EVI5L: variants seen among roughly 807,000 people sequenced by gnomAD.
EVI5L encodes EVI5-like protein.
A neutral mutation model predicts 106.1 loss-of-function variants in EVI5L; 30 were observed. That is an observed-to-expected ratio of 0.28 (90% CI 0.21 to 0.38). EVI5L has a LOEUF of 0.38. EVI5L is among the 10% of genes least tolerant of loss of function. The pLI, the probability that EVI5L is intolerant of heterozygous loss-of-function variation, is 1.00. For missense variants in EVI5L, 809 were observed against 1,098.0 expected (o/e 0.74, Z 3.72); for synonymous variants, 489 against 483.3 (o/e 1.01, Z -0.15).
In EVI5L at chr19:7,857,130, GTA is replaced by G; in HGVS notation, c.1233+7_1233+8del. 13 of 1,551,732 alleles carry G rather than the reference GTA, an allele frequency of 8.4e-6. No individual in the cohort carries two copies. Among genetic ancestry groups the G allele is most frequent in the Non-Finnish European group, 1.0e-5 (12 of 1,147,002 alleles). On this transcript the variant is annotated splice_region_variant and intron_variant, in intron 12 of 19. Transcript: ENST00000538904. The surrounding 1 kb of genome is among the most constrained non-coding windows in gnomAD (Gnocchi z 4.5). ...TGGCTGATAGGTTAATCCAGGTACTGTAGCTTTTTATCCCCTCTCCGGATTCC... is the reference window on the plus strand; with the variant it reads ...TGGCTGATAGGTTAATCCAGGTACTGGCTTTTTATCCCCTCTCCGGATTCC...
rs538931810 is a variant in EVI5L at position 7,849,546 on chromosome 19, G to A, written c.627+216G>A. On this transcript the variant is annotated intron_variant, in intron 5 of 19. Coordinates refer to ENST00000538904, the MANE Select transcript of EVI5L (RefSeq NM_001159944.3). The stretch of plus-strand genomic sequence containing the variant: ...GGGTCCTGTCTGCTGTACCATCCAG[G>A]ACAGAGACCGGGTTTGGAGGGATAG... 1.1e-3 allele frequency among the ~76,000 whole-genome samples: 175 copies of A among 152,356 alleles called. 1 individual carries two copies. The highest frequency in any genetic ancestry group is 6.2e-3 in the Admixed American group (95 of 15,304).
rs1423501242 is a variant in EVI5L, at chr19:7,851,421, C to T, written c.754-13C>T. 1 of 1,607,340 alleles carries T rather than the reference C, an allele frequency of 6.2e-7. No homozygotes were observed. The highest frequency in any genetic ancestry group is 1.1e-5 in the South Asian group (1 of 89,792). The stretch of plus-strand genomic sequence containing the variant: ...CCCCCTCACTGTGCCCACCCGGCCT[C>T]CCACCCCTGCAGGAGCAGCTCCCAG... On this transcript the variant is annotated splice_polypyrimidine_tract_variant and intron_variant, in intron 6 of 19. Coordinates refer to ENST00000538904, the MANE Select transcript of EVI5L (RefSeq NM_001159944.3).
rs757641818 is a variant in EVI5L, at chr19:7,848,878, G to A, written c.328-43G>A. On this transcript the variant is annotated intron_variant, in intron 3 of 19. Coordinates refer to ENST00000538904, the MANE Select transcript of EVI5L (RefSeq NM_001159944.3). This position sits in a 1 kb window ranked among gnomAD's most constrained non-coding sequence, Gnocchi z 4.8. Reference sequence around the variant, plus strand: ...GGCTGGGTGGCCACGGGGAGGCTGCGCTGGGACCGAGTCCAGCCCCCGCTT... The same window carrying A: ...GGCTGGGTGGCCACGGGGAGGCTGCACTGGGACCGAGTCCAGCCCCCGCTT... The A allele has an allele frequency of 1.0e-5, 16 of 1,581,398 alleles. No homozygotes were observed. The highest frequency in any genetic ancestry group is 6.8e-5 in the East Asian group (3 of 43,956).
intron 17 of EVI5L, 24 bp downstream of exon 17, chr19:7,862,558 C>T (rs1293915247): frequency 7.2e-7 from 1 of 1,396,844 alleles, no homozygotes; most frequent in South Asian, 1.6e-5. Context: ...CGGCCCCGCC[C>T]TGCCCGTGGC....
intron 17 of EVI5L, 100 bp downstream of exon 17, chr19:7,862,634 C>T (rs1979876902): frequency 9.1e-7 from 1 of 1,095,682 alleles, no homozygotes; most frequent in African/African-American, 1.7e-5. Context: ...CGTCCTGCCT[C>T]CCGATCTGCC....
rs1979749282 is a variant in EVI5L, at chr19:7,860,546, C to T, written c.1375-15C>T. On this transcript the variant is annotated splice_polypyrimidine_tract_variant and intron_variant, in intron 13 of 19. Transcript: ENST00000538904. ...CCATGGCCTGGGGCCCCACGCAGCT[C>T]TCTGCCTCCCCCAGGAGAACCCCCG... The T allele has an allele frequency of 1.3e-6, 2 of 1,570,856 alleles. No homozygotes were observed. The highest frequency in any genetic ancestry group is 3.6e-5 in the Admixed American group (2 of 55,594).
chr19:7,839,906 G>GCAA (rs1304003214), intron 1 of EVI5L, among the ~76,000 whole-genome samples: 2 of 151,870 alleles, frequency 1.3e-5, no homozygotes, highest in African/African-American at 2.4e-5. Flanking sequence ...GTCTCTAAAA[G>GCAA]CAACAACAAC....
chr19:7,860,714 G>A lies in EVI5L; in HGVS notation c.1503+25G>A, dbSNP rs756048643. ...GGTGCAATGGGGAGGCAGACGGGCA[G>A]GTGTCGGGGGGACCCTGGGGCACAG... On this transcript the variant is annotated intron_variant, in intron 14 of 19. Coordinates refer to ENST00000538904, the MANE Select transcript of EVI5L (RefSeq NM_001159944.3). 6.4e-6 allele frequency: 10 copies of A among 1,555,066 alleles called. No individual in the cohort carries two copies. In the East Asian group the frequency reaches 2.4e-4, roughly 37 times the overall value.
intron 1 of EVI5L, among the ~76,000 whole-genome samples, chr19:7,830,684 C>G (rs1315134743): frequency 6.8e-6 from 1 of 146,158 alleles, no homozygotes; most frequent in Non-Finnish European, 1.5e-5. Flanking sequence ...ACCCTCAGGA[C>G]TCCTCTCCGG....
At position 7,858,472 on chromosome 19, in the gene EVI5L, A is replaced by G; in HGVS notation, c.1374+141A>G. The G allele has an allele frequency of 9.0e-7, 1 of 1,107,966 alleles. No individual in the cohort carries two copies. 68.6% of individuals were successfully genotyped at this position (1,107,966 alleles called of 1,614,324 possible). ...TTCCTTTCTGGGGTAAGGGGAACCC[A>G]GAGACAAGCGCAGATTCTCCCCCAG... On this transcript the variant is annotated intron_variant, in intron 13 of 19. Coordinates refer to ENST00000538904, the MANE Select transcript of EVI5L (RefSeq NM_001159944.3). The surrounding 1 kb of genome is among the most constrained non-coding windows in gnomAD (Gnocchi z 5.7).
At position 7,857,421 on chromosome 19, in the gene EVI5L, G is replaced by A; in HGVS notation, c.1233+297G>A. 1 of 571,740 alleles carries A rather than the reference G, an allele frequency of 1.7e-6. No individual in the cohort carries two copies. The highest frequency in any genetic ancestry group is 3.1e-6 in the Non-Finnish European group (1 of 318,634). 35.4% of individuals were successfully genotyped at this position (571,740 alleles called of 1,614,324 possible). On this transcript the variant is annotated intron_variant, in intron 12 of 19. Transcript: ENST00000538904. This position sits in a 1 kb window ranked among gnomAD's most constrained non-coding sequence, Gnocchi z 4.5. ...CAGGGTGGGGACCCAGGAGGGCTGG[G>A]GAACCTAAAACCATATTCACATAAG...
chr19:7,831,256 C>T (rs970197538), intron 1 of EVI5L, among the ~76,000 whole-genome samples: 1 of 149,356 alleles, frequency 6.7e-6, no homozygotes, highest in Non-Finnish European at 1.5e-5. Context: ...CACACACACA[C>T]ACACACACAC....
chr19:7,857,209 C>T lies in EVI5L; in HGVS notation c.1233+85C>T. On this transcript the variant is annotated intron_variant, in intron 12 of 19. Coordinates refer to ENST00000538904, the MANE Select transcript of EVI5L (RefSeq NM_001159944.3). The surrounding 1 kb of genome is among the most constrained non-coding windows in gnomAD (Gnocchi z 4.5). ...ACATGACAGCCAGTAACCGCCTCTT[C>T]CCTGCCATTCTGCGGGCAGGCCTGG... 1.3e-6 allele frequency: 2 copies of T among 1,518,988 alleles called. No homozygotes were observed. Among genetic ancestry groups the T allele is most frequent in the South Asian group, 1.2e-5 (1 of 83,392 alleles). The allele number at this position is 1,518,988 out of a possible 1,614,324, so 94.1% of individuals were successfully genotyped here. A position where few individuals can be genotyped will look rare whatever the true frequency, so the allele number is the denominator to read the frequency against.
At chr19:7,854,614 T>C (rs1277579518) in intron 10 of EVI5L, among the ~76,000 whole-genome samples, 1 of 152,124 alleles carries the variant, frequency 6.6e-6, no homozygotes, top group Non-Finnish European at 1.5e-5. Flanking sequence ...TACAAAAATA[T>C]AGAAATAAAT....
Position 7,863,159 on chromosome 19 carries a change from C to G in EVI5L, c.2044-26C>G. 6.5e-7 allele frequency: 1 copy of G among 1,548,104 alleles called. No homozygotes were observed. Among genetic ancestry groups the G allele is most frequent in the African/African-American group, 1.4e-5 (1 of 73,002 alleles). ...ACCCCAGGCCCAGCATGGCACTGGC[C>G]CCGCGTGACCTGGCGCACCCCGCAG... is the stretch of plus-strand genomic sequence containing the variant. On this transcript the variant is annotated intron_variant, in intron 18 of 19. Transcript: ENST00000538904. This position sits in a 1 kb window ranked among gnomAD's most constrained non-coding sequence, Gnocchi z 7.7.
chr19:7,857,310 G>T lies in EVI5L; in HGVS notation c.1233+186G>T. 2.7e-6 allele frequency: 2 copies of T among 728,018 alleles called. No homozygotes were observed. The highest frequency in any genetic ancestry group is 2.2e-5 in the Admixed American group (1 of 44,578). The allele number at this position is 728,018 out of a possible 1,614,324, so 45.1% of individuals were successfully genotyped here. ...CCGGGGGGGCGGGGCATGTGAAGTG[G>T]GGAGAAGGGTGTGTGTGGAGGGGCT... On this transcript the variant is annotated intron_variant, in intron 12 of 19. Transcript: ENST00000538904. This position sits in a 1 kb window ranked among gnomAD's most constrained non-coding sequence, Gnocchi z 4.5.
rs751179539 is a variant in EVI5L at position 7,851,686 on chromosome 19, G to A, written c.903G>A (p.Leu301=). The change falls in exon 8 of 20, where the codon CTG becomes CTA. Residue 301 remains leucine, a synonymous_variant. Transcript: ENST00000538904. Reference sequence around the variant, plus strand: ...TGCCTTTGCCGCCTTTGCAGGGGCTGGAGATCGTGTTCCGAGTGGGCCTCG... The same window carrying A: ...TGCCTTTGCCGCCTTTGCAGGGGCTAGAGATCGTGTTCCGAGTGGGCCTCG... The part of the protein sequence containing the change: ...RVFDIFMYEG[L]EIVFRVGLAL... 6 of 1,581,210 alleles carry A rather than the reference G, an allele frequency of 3.8e-6. No individual in the cohort carries two copies. The Admixed American group carries it at 5.7e-5, about 15-fold the overall frequency.
In EVI5L at chr19:7,857,333, G is replaced by C; in HGVS notation, c.1233+209G>C. On this transcript the variant is annotated intron_variant, in intron 12 of 19. Coordinates refer to ENST00000538904, the MANE Select transcript of EVI5L (RefSeq NM_001159944.3). This position sits in a 1 kb window ranked among gnomAD's most constrained non-coding sequence, Gnocchi z 4.5. The stretch of plus-strand genomic sequence containing the variant: ...TGGGGAGAAGGGTGTGTGTGGAGGG[G>C]CTGTGAGTGCGTTTGGGTGTGAATG... 1.5e-6 allele frequency: 1 copy of C among 647,668 alleles called. No individual in the cohort carries two copies. Among genetic ancestry groups the C allele is most frequent in the Non-Finnish European group, 2.7e-6 (1 of 369,140 alleles). 40.1% of individuals were successfully genotyped at this position (647,668 alleles called of 1,614,324 possible).
At chr19:7,859,455 CCA>C (rs2146437510) in intron 13 of EVI5L, among the ~76,000 whole-genome samples, 2 of 152,320 alleles carry the variant, frequency 1.3e-5, no homozygotes, top group African/African-American at 4.8e-5. Context: ...GCCCCCAGGC[CCA>C]GAGACTGTGG....
Sources: allele counts gnomAD v4.1 joint callset (sites outside exome capture counted in the v4.1 genomes callset), GRCh38; gene constraint gnomAD v4.1.1; non-coding constraint Gnocchi (gnomAD v3.1); transcripts MANE v1.5; gene names NCBI Gene and HGNC (gene_info 2026-07-23, HGNC 2026-07-21).